MITF: variants seen among roughly 807,000 people sequenced by gnomAD.
MITF encodes microphthalmia-associated transcription factor.
A neutral mutation model predicts 60.5 loss-of-function variants in MITF; 17 were observed. The observed-to-expected ratio is 0.28, with a 90% CI of 0.19 to 0.42. MITF has a LOEUF of 0.42. Ranked by LOEUF, MITF falls within the 10% of genes least tolerant of loss-of-function variation. The probability of loss-of-function intolerance (pLI) is 1.00; values close to 1 mark genes in which losing one functional copy is unlikely to be tolerated. For synonymous variants in MITF, 260 were observed against 248.5 expected, an observed-to-expected ratio of 1.05 and a Z score of -0.43; for missense variants, 622 against 683.5, an observed-to-expected ratio of 0.91 and a Z score of 1.00.
chr3:69,839,287 T>A (rs1430605), intron 1 of MITF, among the ~76,000 whole-genome samples: 75,628 of 151,752 alleles, frequency 0.5, 20,514 homozygotes, highest in Non-Finnish European at 0.63. Flanking sequence ...TGTAGTGATC[T>A]CTGATGAAAT....
chr3:69,887,051 T>C (rs2107305222), intron 2 of MITF, among the ~76,000 whole-genome samples: 1 of 152,260 alleles, frequency 6.6e-6, no homozygotes, highest in South Asian at 2.1e-4. Flanking sequence ...TCCTTTCCCA[T>C]GCACCTTGCA....
chr3:69,779,996 A>G (rs1033065362), intron 1 of MITF, among the ~76,000 whole-genome samples: 3 of 152,168 alleles, frequency 2.0e-5, no homozygotes, highest in Non-Finnish European at 4.4e-5. Context: ...GGGGCATAAC[A>G]ATAGGATTGG....
chr3:69,805,684 G>A (rs376196484), intron 1 of MITF, among the ~76,000 whole-genome samples: 1 of 151,956 alleles, frequency 6.6e-6, no homozygotes, highest in Admixed American at 6.6e-5. Flanking sequence ...TAAATGACGA[G>A]GTCGTTCTCT....
At chr3:69,866,150 C>T (rs939166872) in intron 1 of MITF, 49 of 1,470,284 alleles carry the variant, frequency 3.3e-5, no homozygotes, top group Non-Finnish European at 2.2e-5. Flanking sequence ...AAACCAGGCA[C>T]CGTTCTAGCA....
chr3:69,867,376 A>G (rs2064135816), intron 1 of MITF, among the ~76,000 whole-genome samples: 2 of 152,318 alleles, frequency 1.3e-5, no homozygotes, highest in South Asian at 4.1e-4. Flanking sequence ...GTTAAAGTTC[A>G]TCATTTTCAG....
chr3:69,945,528 C>T (rs1455001233), intron 5 of MITF, among the ~76,000 whole-genome samples: 1 of 152,136 alleles, frequency 6.6e-6, no homozygotes, highest in Non-Finnish European at 1.5e-5. Flanking sequence ...TGCAGAAGAA[C>T]CAACTACAGA....
At chr3:69,871,511 C>T (rs1477391519) in intron 1 of MITF, among the ~76,000 whole-genome samples, 1 of 152,180 alleles carries the variant, frequency 6.6e-6, no homozygotes, top group Non-Finnish European at 1.5e-5. Context: ...TGCCATGTGG[C>T]CACCATAAAT....
At chr3:69,763,653 A>G in intron 1 of MITF, 1 of 1,253,228 alleles carries the variant, frequency 8.0e-7, no homozygotes. Context: ...GAGACGGTTC[A>G]GTGGACTCAA....
At chr3:69,886,356 C>G (rs1245631732) in intron 2 of MITF, among the ~76,000 whole-genome samples, 2 of 152,044 alleles carry the variant, frequency 1.3e-5, no homozygotes, top group East Asian at 3.8e-4. Flanking sequence ...GGGATGAACA[C>G]TTCAGGTCTT....
intron 1 of MITF, among the ~76,000 whole-genome samples, chr3:69,771,286 G>A (rs992610577): frequency 2.0e-5 from 3 of 151,320 alleles, no homozygotes; most frequent in South Asian, 2.1e-4. Flanking sequence ...CTTCCAGTGA[G>A]CTCTGATTTA....
intron 1 of MITF, among the ~76,000 whole-genome samples, chr3:69,776,663 C>T (rs2106858290): frequency 6.6e-6 from 1 of 152,214 alleles, no homozygotes; most frequent in East Asian, 1.9e-4. Context: ...TCATAATGTA[C>T]CAAGTATGTT....
chr3:69,845,442 CTTT>C, intron 1 of MITF, among the ~76,000 whole-genome samples: 1 of 136,822 alleles, frequency 7.3e-6, no homozygotes, highest in East Asian at 2.1e-4. Context: ...TTTTTTCTTT[CTTT>C]TTTTTTTTTT....
At chr3:69,826,314 A>T (rs1413746430) in intron 1 of MITF, among the ~76,000 whole-genome samples, 1 of 152,214 alleles carries the variant, frequency 6.6e-6, no homozygotes, top group Non-Finnish European at 1.5e-5. Flanking sequence ...TATAGTAGGT[A>T]CTTACTTGGG....
In MITF at chr3:69,838,192, T is replaced by C. The variant is rs2063568921; in HGVS notation, c.105-40942T>C. ...TAGTGGTAATATTAATTTTAAAAGATGGTTTGTCAAGTAGGCTATGCGTTT... is the reference window on the plus strand; with the variant it reads ...TAGTGGTAATATTAATTTTAAAAGACGGTTTGTCAAGTAGGCTATGCGTTT... On this transcript the variant is annotated intron_variant, in intron 1 of 9. Transcript: ENST00000352241. Among the ~76,000 whole-genome samples the C allele has an allele frequency of 2.6e-5, 4 of 152,200 alleles. No individual in the cohort carries two copies. In the South Asian group the frequency reaches 6.2e-4, roughly 24 times the overall value.
In MITF at chr3:69,766,773, T is replaced by A. The variant is rs1187358028; in HGVS notation, c.104+27072T>A. 2.0e-5 allele frequency among the ~76,000 whole-genome samples: 3 copies of A among 152,094 alleles called. No homozygotes were observed. In the East Asian group the frequency reaches 5.8e-4, roughly 29 times the overall value. On this transcript the variant is annotated intron_variant, in intron 1 of 9. Coordinates refer to ENST00000352241, the MANE Select transcript of MITF (RefSeq NM_001354604.2). ...TCCTTCTGCTGCAGTACGGTAGATA[T>A]TGCCAACTGTCACTTCACTCTTTCC...
chr3:69,802,956 TA>T (rs1022877038), intron 1 of MITF, among the ~76,000 whole-genome samples: 3 of 152,104 alleles, frequency 2.0e-5, no homozygotes, highest in African/African-American at 7.2e-5. Context: ...TTTGTATTTT[TA>T]GTAGGGACGG....
intron 1 of MITF, among the ~76,000 whole-genome samples, chr3:69,834,846 C>CTTTTTTTTTTTTTTTTTTTTT (rs71126468): frequency 7.7e-6 from 1 of 129,670 alleles, no homozygotes; most frequent in South Asian, 2.5e-4. Flanking sequence ...GTTTTCTTTT[C>CTTTTTTTTTTTTTTTTTTTTT]TTTTTTTTTT....
At chr3:69,748,963 T>A (rs1703829249) in intron 1 of MITF, among the ~76,000 whole-genome samples, 1 of 152,220 alleles carries the variant, frequency 6.6e-6, no homozygotes, top group Admixed American at 6.5e-5. Flanking sequence ...AGGAATGCTA[T>A]ATTTACTTTG....
At chr3:69,744,190 A>G (rs191621268) in intron 1 of MITF, among the ~76,000 whole-genome samples, 162 of 152,320 alleles carry the variant, frequency 1.1e-3, no homozygotes, top group Non-Finnish European at 1.2e-3. Flanking sequence ...ACCTACATAT[A>G]TTTGGGTGTA....
Sources: gnomAD v4.1 joint callset for allele counts (sites outside exome capture counted in the v4.1 genomes callset) on GRCh38, gnomAD v4.1.1 for gene constraint, MANE v1.5 for transcripts, NCBI Gene and HGNC (gene_info 2026-07-23, HGNC 2026-07-21) for gene names.